Variants in ACAN observed in about 807,000 individuals in gnomAD.
ACAN encodes aggrecan core protein.
A neutral mutation model predicts 169.1 loss-of-function variants in ACAN; 47 were observed. The observed-to-expected ratio is 0.28, with a 90% CI of 0.22 to 0.35. The LOEUF (loss-of-function observed/expected upper bound fraction) is 0.35. Among genes scored for constraint, ACAN ranks in the 10% least tolerant of loss-of-function variants. ACAN has a pLI of 1.00. For missense variants in ACAN, 2,716 were observed against 2,759.9 expected (o/e 0.98, Z 0.36); for synonymous variants, 1,115 against 1,112.2 (o/e 1.00, Z -0.05).
chr15:88,852,804 G>A (rs934507612), intron 11 of ACAN, among the ~76,000 whole-genome samples: 17 of 152,260 alleles, frequency 1.1e-4, no homozygotes, highest in African/African-American at 3.9e-4. Context: ...CTTCCAACTG[G>A]GGAAAGCTTG....
In ACAN at chr15:88,873,717, G is replaced by A; in HGVS notation, c.7448-125G>A. 1.9e-6 allele frequency: 2 copies of A among 1,042,514 alleles called. No homozygotes were observed. The highest frequency in any genetic ancestry group is 2.8e-6 in the Non-Finnish European group (2 of 726,702). The allele number at this position is 1,042,514 out of a possible 1,614,324, so 64.6% of individuals were successfully genotyped here. ...GGCTTCCAGATTCTTAGCGCTGCAT[G>A]AAAACGTCCAGGGCTCACTGTCAGA... On this transcript the variant is annotated intron_variant, in intron 17 of 18. Transcript: ENST00000560601. This position sits in a 1 kb window ranked among gnomAD's most constrained non-coding sequence, Gnocchi z 7.5.
rs772320528 is a variant in ACAN at position 88,849,689 on chromosome 15, C to G, written c.1984C>G (p.Leu662Val). The G allele has an allele frequency of 6.2e-7, 1 of 1,613,838 alleles. No homozygotes were observed. The change falls in exon 10 of 19, where the codon CTC becomes GTC. Residue 662 changes from leucine to valine, a missense_variant. Physicochemically the swap from Leu to Val is conservative, Grantham distance 32. Transcript: ENST00000560601. This position sits in a 1 kb window ranked among gnomAD's most constrained non-coding sequence, Gnocchi z 5.1. ...TVYLYPNQTG[L>V]PDPLSRHHAF... ...CTACCTCTACCCTAACCAGACGGGC[C>G]TCCCAGACCCACTGTCCCGGCACCA...
rs1007240358 is a variant in ACAN, at chr15:88,843,756, C to T, written c.1051+108C>T. ...GGTTGGTTTTTGCCCTTGAAGGGGC[C>T]ACGGGGTACCTGAACCCCATGTTTT... On this transcript the variant is annotated intron_variant, in intron 6 of 18. Coordinates refer to ENST00000560601, the MANE Select transcript of ACAN (RefSeq NM_001369268.1). This position sits in a 1 kb window ranked among gnomAD's most constrained non-coding sequence, Gnocchi z 4.0. The T allele has an allele frequency of 9.5e-6, 13 of 1,361,260 alleles. No individual in the cohort carries two copies. Among genetic ancestry groups the T allele is most frequent in the Non-Finnish European group, 1.3e-5 (13 of 1,013,866 alleles). The allele number at this position is 1,361,260 out of a possible 1,614,324, so 84.3% of individuals were successfully genotyped here.
chr15:88,875,352 G>C lies in ACAN; in HGVS notation c.*871G>C, dbSNP rs561599720. 6.6e-6 allele frequency: 1 copy of C among 151,884 alleles called. No homozygotes were observed. Among genetic ancestry groups the C allele is most frequent in the South Asian group, 2.1e-4 (1 of 4,794 alleles). The allele number at this position is 151,884 out of a possible 1,614,324, so 9.4% of individuals were successfully genotyped here. ...TAATAATAATAAAGACATTGGAAGAGATCTATCTCTTTTCTTTTCCCTCTT... is the reference window on the plus strand; with the variant it reads ...TAATAATAATAAAGACATTGGAAGACATCTATCTCTTTTCTTTTCCCTCTT... On this transcript the variant is annotated 3_prime_UTR_variant, in exon 19 of 19. Transcript: ENST00000560601. The surrounding 1 kb of genome is among the most constrained non-coding windows in gnomAD (Gnocchi z 4.8).
At chr15:88,837,536 T>G (rs907179599) in intron 2 of ACAN, among the ~76,000 whole-genome samples, 1 of 152,162 alleles carries the variant, frequency 6.6e-6, no homozygotes, top group African/African-American at 2.4e-5. Context: ...CCAGGGGTGG[T>G]CCGCCCACAC....
At chr15:88,804,396 G>C (rs1244695380) in intron 1 of ACAN, among the ~76,000 whole-genome samples, 1 of 152,206 alleles carries the variant, frequency 6.6e-6, no homozygotes, top group Non-Finnish European at 1.5e-5. Flanking sequence ...AGTGCCTGAA[G>C]AGTCTGCCCA....
Position 88,873,902 on chromosome 15 carries a change from G to A in ACAN, c.7508G>A (p.Arg2503Gln), listed in dbSNP as rs529444135. The change falls in exon 18 of 19, where the codon CGG becomes CAG. Residue 2503 changes from arginine to glutamine, a missense_variant. This residue lies in a region of ACAN where 1,389 missense variants were observed against 1,363.7 expected (regional missense o/e 1.02). Transcript: ENST00000560601. This position sits in a 1 kb window ranked among gnomAD's most constrained non-coding sequence, Gnocchi z 7.5. The stretch of plus-strand genomic sequence containing the variant: ...AGGACCTTCGGGCAGAAGAAGGACC[G>A]GTATGAGATCAATTCCCTGGTGCGG... The part of the protein sequence containing the change: ...HARTFGQKKD[R>Q]YEINSLVRYQ... The A allele has an allele frequency of 1.3e-4, 211 of 1,613,842 alleles. 2 individuals carry two copies. In the South Asian group the frequency reaches 2.1e-3, roughly 16 times the overall value.
At position 88,807,012 on chromosome 15, in the gene ACAN, T is replaced by C. The variant is rs1337504052; in HGVS notation, c.-8+3203T>C. Among the ~76,000 whole-genome samples the C allele has an allele frequency of 6.6e-6, 1 of 152,126 alleles. No homozygotes were observed. The highest frequency in any genetic ancestry group is 1.5e-5 in the Non-Finnish European group (1 of 68,026). On this transcript the variant is annotated intron_variant, in intron 1 of 18. Transcript: ENST00000560601. This position sits in a 1 kb window ranked among gnomAD's most constrained non-coding sequence, Gnocchi z 4.0. ...ATGTATATATGCAAATATATACAAA[T>C]TTGATATTTGCATATATTTTTATTT...
chr15:88,874,143 G>A lies in ACAN; in HGVS notation c.7630+119G>A. The A allele has an allele frequency of 2.9e-6, 4 of 1,388,394 alleles. No individual in the cohort carries two copies. Among genetic ancestry groups the A allele is most frequent in the Admixed American group, 3.9e-5 (2 of 51,236 alleles). The allele number at this position is 1,388,394 out of a possible 1,614,324, so 86.0% of individuals were successfully genotyped here. ...CCACAGGGTTGAGCAAGGGAAGGGA[G>A]GTCGGGGGGCTGCTCAGTCACAAAT... On this transcript the variant is annotated intron_variant, in intron 18 of 18. Coordinates refer to ENST00000560601, the MANE Select transcript of ACAN (RefSeq NM_001369268.1). The surrounding 1 kb of genome is among the most constrained non-coding windows in gnomAD (Gnocchi z 7.3).
intron 4 of ACAN, among the ~76,000 whole-genome samples, chr15:88,841,008 G>T (rs1158430156): frequency 6.6e-6 from 1 of 152,202 alleles, no homozygotes; most frequent in Non-Finnish European, 1.5e-5. Flanking sequence ...AGCCAGGCGT[G>T]GTGGTGGGCT....
In ACAN at chr15:88,865,374, G is replaced by C. The variant is rs148109102; in HGVS notation, c.6947-2842G>C. Reference sequence around the variant, plus strand: ...CTGACTCCTCCATCTCTTCCACTCTGTCTCCCCAACACCCAGGTTGGGCAA... The same window carrying C: ...CTGACTCCTCCATCTCTTCCACTCTCTCTCCCCAACACCCAGGTTGGGCAA... On this transcript the variant is annotated intron_variant, in intron 13 of 18. Transcript: ENST00000560601. 4.0e-3 allele frequency among the ~76,000 whole-genome samples: 607 copies of C among 152,208 alleles called. 33 individuals are homozygous for C. The South Asian group carries it at 0.1, about 26-fold the overall frequency.
intron 1 of ACAN, among the ~76,000 whole-genome samples, chr15:88,832,802 T>C (rs1567172089): frequency 1.3e-5 from 2 of 152,118 alleles, no homozygotes; most frequent in African/African-American, 4.8e-5. Context: ...TCTCTTCCAA[T>C]CCCCCAGTTC....
At chr15:88,824,064 C>G (rs1246952615) in intron 1 of ACAN, among the ~76,000 whole-genome samples, 2 of 152,112 alleles carry the variant, frequency 1.3e-5, no homozygotes, top group Non-Finnish European at 2.9e-5. Flanking sequence ...GTGGCTCACG[C>G]CTGTAATCCC....
At chr15:88,853,535 G>A (rs1272694431) in intron 11 of ACAN, among the ~76,000 whole-genome samples, 2 of 152,258 alleles carry the variant, frequency 1.3e-5, no homozygotes, top group Admixed American at 6.5e-5. Context: ...CTACTCGGGA[G>A]GCTGAGGCAT....
chr15:88,841,889 G>C (rs759407428), intron 5 of ACAN, 22 bp downstream of exon 5: 1 of 1,612,416 alleles, frequency 6.2e-7, no homozygotes, highest in Non-Finnish European at 8.5e-7. Context: ...TGCCCACCAG[G>C]AGGCACCCAG....
intron 11 of ACAN, 77 bp from the exon 12 acceptor site, chr15:88,854,775 T>G: frequency 7.5e-7 from 1 of 1,331,426 alleles, no homozygotes; most frequent in Non-Finnish European, 9.7e-7. Flanking sequence ...AGAATGGAGT[T>G]TAGATTCTAC....
At position 88,843,722 on chromosome 15, in the gene ACAN, G is replaced by A; in HGVS notation, c.1051+74G>A. 6.7e-7 allele frequency: 1 copy of A among 1,492,868 alleles called. No homozygotes were observed. The highest frequency in any genetic ancestry group is 2.2e-5 in the Admixed American group (1 of 45,960). 92.5% of individuals were successfully genotyped at this position (1,492,868 alleles called of 1,614,324 possible). On this transcript the variant is annotated intron_variant, in intron 6 of 18. Coordinates refer to ENST00000560601, the MANE Select transcript of ACAN (RefSeq NM_001369268.1). This position sits in a 1 kb window ranked among gnomAD's most constrained non-coding sequence, Gnocchi z 4.0. ...GTCCTAGAGGGAAGAGGGGATCTTG[G>A]AAAGGGAGGGTTGGTTTTTGCCCTT...
chr15:88,849,799 T>C lies in ACAN; in HGVS notation c.2026+68T>C, dbSNP rs566154962. 44 of 1,560,104 alleles carry C rather than the reference T, an allele frequency of 2.8e-5. No homozygotes were observed. The African/African-American group carries it at 5.2e-4, about 18-fold the overall frequency. On this transcript the variant is annotated intron_variant, in intron 10 of 18. Transcript: ENST00000560601. The surrounding 1 kb of genome is among the most constrained non-coding windows in gnomAD (Gnocchi z 5.1). The stretch of plus-strand genomic sequence containing the variant: ...AGAGGACCCCACTGGGTTCACCGGA[T>C]CCTGCCACCACCCAGTATCCCATCC...
chr15:88,852,430 G>A (rs1245963969), intron 11 of ACAN, among the ~76,000 whole-genome samples: 2 of 152,126 alleles, frequency 1.3e-5, no homozygotes, highest in East Asian at 3.9e-4. Flanking sequence ...CAGGGAGGGG[G>A]TTACTGTTGG....
Sources: allele counts gnomAD v4.1 joint callset (sites outside exome capture counted in the v4.1 genomes callset), GRCh38; gene constraint gnomAD v4.1.1; regional missense constraint gnomAD v4.1.1; non-coding constraint Gnocchi (gnomAD v3.1); transcripts MANE v1.5; gene names NCBI Gene and HGNC (gene_info 2026-07-23, HGNC 2026-07-21).